Variants in SLC25A48 observed in about 807,000 individuals in gnomAD.
SLC25A48 encodes CTC-321K16.1.
A neutral mutation model predicts 32.2 loss-of-function variants in SLC25A48; 29 were observed. The ratio of observed to expected loss-of-function variants is 0.90; its 90% CI spans 0.67 to 1.23. SLC25A48 has a LOEUF of 1.23. Ranked by LOEUF, SLC25A48 falls within the 50% of genes most tolerant of loss-of-function variation. The pLI is 0.00. For synonymous variants in SLC25A48, 164 were observed against 172.3 expected, an observed-to-expected ratio of 0.95 and a Z score of 0.38; for missense variants, 399 against 422.7, an observed-to-expected ratio of 0.94 and a Z score of 0.49.
chr5:135,678,915 G>T (rs1329117451), intron 3 of SLC25A48, among the ~76,000 whole-genome samples: 1 of 152,176 alleles, frequency 6.6e-6, no homozygotes, highest in African/African-American at 2.4e-5. Context: ...GGGCCCTAGT[G>T]GTTACAGTCA....
chr5:135,609,783 T>G (rs1457615208), intron 1 of SLC25A48: 1 of 152,212 alleles, frequency 6.6e-6, no homozygotes, highest in Non-Finnish European at 1.5e-5. Flanking sequence ...ATCATCTATA[T>G]AAAAAGAGAA....
chr5:135,596,216 T>C (rs1443958632), intron 1 of SLC25A48, among the ~76,000 whole-genome samples: 1 of 152,222 alleles, frequency 6.6e-6, no homozygotes, highest in Non-Finnish European at 1.5e-5. Flanking sequence ...ATTTCCATGA[T>C]TGGAGCCCTA....
intron 1 of SLC25A48, among the ~76,000 whole-genome samples, chr5:135,838,570 ATGGTTTCC>A (rs1357544330): frequency 6.6e-6 from 1 of 152,160 alleles, no homozygotes; most frequent in Admixed American, 6.5e-5. Flanking sequence ...GGAGGAAAAA[ATGGTTTCC>A]TGGGCTGGGC....
chr5:135,838,024 CTTG>C (rs1018812289), intron 1 of SLC25A48, among the ~76,000 whole-genome samples: 45 of 152,194 alleles, frequency 3.0e-4, no homozygotes, highest in African/African-American at 1.0e-3. Flanking sequence ...TTCCTAGAGA[CTTG>C]TTGAATGGTT....
intron 1 of SLC25A48, among the ~76,000 whole-genome samples, chr5:135,579,930 A>G (rs570306101): frequency 6.6e-6 from 1 of 152,356 alleles, no homozygotes; most frequent in East Asian, 1.9e-4. Flanking sequence ...TACCGCTCTC[A>G]GCTTTTGTTT....
At chr5:135,842,365 A>G (rs780155054) in intron 1 of SLC25A48, 51 bp from the exon 2 acceptor site, 10 of 1,596,658 alleles carry the variant, frequency 6.3e-6, no homozygotes, top group Non-Finnish European at 8.6e-6. Flanking sequence ...TGGCTGGTGT[A>G]AGCCAGGAGT....
At position 135,790,918 on chromosome 5, in the gene SLC25A48, C is replaced by T. The variant is rs891657745; in HGVS notation, c.-520-21605C>T. On this transcript the variant is annotated intron_variant, in intron 3 of 10. Transcript: ENST00000646290. ...TACTCCTAATGTCACAGTTGGTGTTCGGGGGATGTTGCTCCTAATTTCACA... is the reference window on the plus strand; with the variant it reads ...TACTCCTAATGTCACAGTTGGTGTTTGGGGGATGTTGCTCCTAATTTCACA... Among the ~76,000 whole-genome samples, 11 of 151,220 alleles carry T rather than the reference C, an allele frequency of 7.3e-5. No individual in the cohort carries two copies. The East Asian group carries it at 7.9e-4, about 11-fold the overall frequency.
chr5:135,687,500 G>T (rs970162910), intron 3 of SLC25A48, among the ~76,000 whole-genome samples: 4 of 152,048 alleles, frequency 2.6e-5, no homozygotes, highest in African/African-American at 9.7e-5. Flanking sequence ...TAACACTATT[G>T]TTATGACTCA....
intron 3 of SLC25A48, among the ~76,000 whole-genome samples, chr5:135,673,335 G>A (rs2126944049): frequency 1.3e-5 from 2 of 152,304 alleles, no homozygotes; most frequent in South Asian, 4.1e-4. Context: ...ATGCCTTATT[G>A]TATTCTCTCC....
chr5:135,671,185 G>T (rs1432017358), intron 3 of SLC25A48, among the ~76,000 whole-genome samples: 2 of 152,202 alleles, frequency 1.3e-5, no homozygotes, highest in Non-Finnish European at 2.9e-5. Flanking sequence ...GCTAGAGGAA[G>T]GAAAAGGAAT....
chr5:135,858,336 C>A (rs1049636705), intron 4 of SLC25A48, among the ~76,000 whole-genome samples: 5 of 152,146 alleles, frequency 3.3e-5, no homozygotes, highest in Admixed American at 6.5e-5. Context: ...AGAGCAAAGC[C>A]AAAGCCAAAG....
chr5:135,830,633 A>G (rs893498086), upstream of SLC25A48, among the ~76,000 whole-genome samples: 4 of 152,302 alleles, frequency 2.6e-5, no homozygotes, highest in East Asian at 1.9e-4. Context: ...CCTGCTCCCA[A>G]TGAGAAGCTC....
At chr5:135,661,671 A>G (rs1580764473) in intron 3 of SLC25A48, among the ~76,000 whole-genome samples, 1 of 152,032 alleles carries the variant, frequency 6.6e-6, no homozygotes, top group African/African-American at 2.4e-5. Context: ...TCTTTCTGCT[A>G]CTCTCTCTAG....
At chr5:135,658,653 G>A (rs1439815041) in intron 3 of SLC25A48, among the ~76,000 whole-genome samples, 1 of 152,182 alleles carries the variant, frequency 6.6e-6, no homozygotes, top group East Asian at 1.9e-4. Context: ...TTCTCCATGA[G>A]GGCTCTACCC....
intron 4 of SLC25A48, among the ~76,000 whole-genome samples, chr5:135,819,687 T>C (rs1580915077): frequency 6.6e-6 from 1 of 152,326 alleles, no homozygotes; most frequent in East Asian, 1.9e-4. Context: ...TTCTGAGGTG[T>C]GTACATATGT....
chr5:135,658,005 C>A (rs574275927), intron 3 of SLC25A48, among the ~76,000 whole-genome samples: 8 of 152,250 alleles, frequency 5.3e-5, no homozygotes, highest in Non-Finnish European at 1.0e-4. Flanking sequence ...GACACAGAGC[C>A]AAACCATATC....
chr5:135,812,699 TGGA>T (rs1757618331), exon 4 of SLC25A48: 1 of 152,282 alleles, frequency 6.6e-6, no homozygotes, highest in Non-Finnish European at 1.5e-5. Flanking sequence ...CAAGGGCTCC[TGGA>T]GGAGGAGATG....
chr5:135,860,809 C>T (rs1760717807), intron 4 of SLC25A48, among the ~76,000 whole-genome samples: 1 of 152,152 alleles, frequency 6.6e-6, no homozygotes, highest in African/African-American at 2.4e-5. Context: ...ATTGCCAGTC[C>T]ACTTCCAGGG....
chr5:135,842,542 T>C (rs2304076), intron 2 of SLC25A48, 83 bp downstream of exon 2: 212,310 of 1,372,422 alleles, frequency 0.15, 18,223 homozygotes, highest in Non-Finnish European at 0.18. Context: ...CTGTTTCTAA[T>C]CTCTCAGAGA....
Sources: gnomAD v4.1 joint callset for allele counts (sites outside exome capture counted in the v4.1 genomes callset) on GRCh38, gnomAD v4.1.1 for gene constraint, MANE v1.5 for transcripts, NCBI Gene and HGNC (gene_info 2026-07-23, HGNC 2026-07-21) for gene names.